PTPN12: variants seen among roughly 807,000 people sequenced by gnomAD.
PTPN12 encodes the protein tyrosine-protein phosphatase non-receptor type 12.
Under a neutral mutation model 97.6 loss-of-function variants are expected in PTPN12, and 29 were observed. That is an observed-to-expected ratio of 0.30 (90% CI 0.22 to 0.41). The LOEUF is 0.41. PTPN12 is among the 10% of genes least tolerant of loss of function. The pLI is 1.00. For synonymous variants in PTPN12, 327 were observed against 300.4 expected (o/e 1.09, Z -0.91); for missense variants, 819 against 926.0 (o/e 0.88, Z 1.50).
intron 1 of PTPN12, among the ~76,000 whole-genome samples, chr7:77,539,001 G>C (rs1006365226): frequency 1.3e-5 from 2 of 152,176 alleles, no homozygotes; most frequent in African/African-American, 4.8e-5. Flanking sequence ...ATCTGATTAT[G>C]AGAAGGATAC....
intron 1 of PTPN12, among the ~76,000 whole-genome samples, chr7:77,564,813 A>C (rs2151312119): frequency 8.6e-6 from 1 of 116,358 alleles, no homozygotes; most frequent in South Asian, 3.0e-4. Flanking sequence ...GCTGGAGTGC[A>C]GTGGCACGAT....
rs1330476301 is a variant in PTPN12, at chr7:77,564,763, T to TTTTG, written c.100-6312_100-6311insGTTT. 3.4e-4 allele frequency among the ~76,000 whole-genome samples: 37 copies of TTTTG among 108,336 alleles called. 2 individuals carry two copies. The highest frequency in any genetic ancestry group is 2.7e-3 in the Admixed American group (27 of 9,948). 71.1% of individuals were successfully genotyped at this position (108,336 alleles called of 152,430 possible). On this transcript the variant is annotated intron_variant, in intron 1 of 17. Transcript: ENST00000248594. The stretch of plus-strand genomic sequence containing the variant: ...GTTGTCGTGTTTTTTTTTTTTTTTT[T>TTTTG]TTTTTTTTTTTTTGAGACGGAATCT...
At chr7:77,556,994 G>C (rs554650882) in intron 1 of PTPN12, among the ~76,000 whole-genome samples, 2 of 151,610 alleles carry the variant, frequency 1.3e-5, no homozygotes, top group African/African-American at 4.8e-5. Flanking sequence ...TTTTTAGAGC[G>C]GTCTCGCTGT....
At chr7:77,615,613 T>A (rs1788724191) in intron 11 of PTPN12, among the ~76,000 whole-genome samples, 1 of 152,156 alleles carries the variant, frequency 6.6e-6, no homozygotes, top group African/African-American at 2.4e-5. Flanking sequence ...TACCTGGGTA[T>A]GGTAGCACGT....
At chr7:77,594,703 T>C (rs1018007388) in intron 6 of PTPN12, among the ~76,000 whole-genome samples, 2 of 152,118 alleles carry the variant, frequency 1.3e-5, no homozygotes, top group African/African-American at 2.4e-5. Flanking sequence ...GAGGTCTCCC[T>C]GTGTTGCCCA....
At position 77,635,846 on chromosome 7, in the gene PTPN12, T is replaced by G; in HGVS notation, c.2139T>G (p.Ser713=). The G allele has an allele frequency of 6.2e-7, 1 of 1,601,688 alleles. No individual in the cohort carries two copies. ...QSQERSEQKK[S]EGLITSENEK... is the part of the protein sequence containing the mutation. ...AGGAACGATCTGAACAAAAAAAGTCTGAAGTAAGTCCTTTTGGAATTGGAA... is the reference window on the plus strand; with the variant it reads ...AGGAACGATCTGAACAAAAAAAGTCGGAAGTAAGTCCTTTTGGAATTGGAA... The change falls in exon 15 of 18, where the codon TCT becomes TCG. Residue 713 remains serine (S), a synonymous_variant. Coordinates refer to ENST00000248594, the MANE Select transcript of PTPN12 (RefSeq NM_002835.4).
intron 9 of PTPN12, 35 bp from the exon 10 acceptor site, chr7:77,610,730 T>C: frequency 6.5e-7 from 1 of 1,542,506 alleles, no homozygotes; most frequent in Non-Finnish European, 8.8e-7. Flanking sequence ...TCTGAATAGA[T>C]ACACAAAGTT....
At chr7:77,605,737 A>T (rs1265672140) in intron 8 of PTPN12, among the ~76,000 whole-genome samples, 1 of 151,840 alleles carries the variant, frequency 6.6e-6, no homozygotes, top group African/African-American at 2.4e-5. Flanking sequence ...GTTTTAAAAT[A>T]AAAAAACCTA....
intron 13 of PTPN12, among the ~76,000 whole-genome samples, chr7:77,631,661 G>C (rs148477002): frequency 6.6e-6 from 1 of 152,040 alleles, no homozygotes; most frequent in Non-Finnish European, 1.5e-5. Context: ...AGCTAATTTT[G>C]TTTTTACTAG....
At chr7:77,557,785 A>G (rs1316036107) in intron 1 of PTPN12, among the ~76,000 whole-genome samples, 1 of 152,140 alleles carries the variant, frequency 6.6e-6, no homozygotes, top group Admixed American at 6.5e-5. Context: ...ACAAATGCAA[A>G]TAAGTGCTGA....
At chr7:77,602,491 G>A (rs959296093) in intron 8 of PTPN12, among the ~76,000 whole-genome samples, 2 of 151,902 alleles carry the variant, frequency 1.3e-5, no homozygotes, top group Non-Finnish European at 2.9e-5. Flanking sequence ...TGTCATGACC[G>A]GGTATAGTGG....
rs956673503 is a variant in PTPN12, at chr7:77,604,641, G to T, written c.696-2594G>T. 2.6e-5 allele frequency among the ~76,000 whole-genome samples: 4 copies of T among 152,104 alleles called. No individual in the cohort carries two copies. In the East Asian group the frequency reaches 5.8e-4, roughly 22 times the overall value. On this transcript the variant is annotated intron_variant, in intron 8 of 17. Transcript: ENST00000248594. ...ACATAAGTTTCATTTTGTCATGTCA[G>T]ATTTTTGAATGGTTTTTGTCCATTG... is the stretch of plus-strand genomic sequence containing the variant.
Position 77,597,923 on chromosome 7 carries a change from ACTAT to A in PTPN12, c.552+25_552+28del, listed in dbSNP as rs1488054241. 4 of 1,609,302 alleles carry A rather than the reference ACTAT, an allele frequency of 2.5e-6. No individual in the cohort carries two copies. The South Asian group carries it at 3.3e-5, about 13-fold the overall frequency. The stretch of plus-strand genomic sequence containing the variant: ...AAATGTAGGTACTTACCATTTATAG[ACTAT>A]CTGTAAGAATAGTTTTCAGGCTGGG... On this transcript the variant is annotated intron_variant, in intron 7 of 17. Transcript: ENST00000248594.
chr7:77,604,866 T>C, intron 8 of PTPN12: 1 of 432,618 alleles, frequency 2.3e-6, no homozygotes, highest in South Asian at 1.7e-5. Context: ...AATTTTTTGC[T>C]CTTCATTGAT....
At position 77,581,408 on chromosome 7, in the gene PTPN12, A is replaced by G. The variant is rs896371360; in HGVS notation, c.209-19A>G. ...CCTGTGTGTCAACCATACATATTTT[A>G]TGAATTTTTTTCTCGTAGTTGATCA... On this transcript the variant is annotated intron_variant, in intron 2 of 17. Coordinates refer to ENST00000248594, the MANE Select transcript of PTPN12 (RefSeq NM_002835.4). 3.2e-6 allele frequency: 5 copies of G among 1,554,024 alleles called. No individual in the cohort carries two copies. The highest frequency in any genetic ancestry group is 1.8e-6 in the Non-Finnish European group (2 of 1,129,948).
In PTPN12 at chr7:77,639,398, T is replaced by A; in HGVS notation, c.*118T>A. 2 of 791,644 alleles carry A rather than the reference T, an allele frequency of 2.5e-6. No homozygotes were observed. Among genetic ancestry groups the A allele is most frequent in the Non-Finnish European group, 4.0e-6 (2 of 505,724 alleles). The allele number at this position is 791,644 out of a possible 1,614,324, so 49.0% of individuals were successfully genotyped here. ...CTAACAGCAGTGTAGATTGTTACCT[T>A]AATATTTTTTGCTGGGACCATCTAC... On this transcript the variant is annotated 3_prime_UTR_variant, in exon 18 of 18. Transcript: ENST00000248594.
intron 8 of PTPN12, 167 bp from the exon 9 acceptor site, chr7:77,607,068 A>G: frequency 3.7e-6 from 2 of 535,240 alleles, no homozygotes; most frequent in East Asian, 3.3e-5. Context: ...TGTGTAACAG[A>G]TGTTGCCATG....
At chr7:77,538,115 T>C (rs948752911) in intron 1 of PTPN12, 1 of 988,860 alleles carries the variant, frequency 1.0e-6, no homozygotes, top group Non-Finnish European at 1.2e-6. Context: ...AGGTTGGCAC[T>C]AACTCCTGGG....
chr7:77,597,923 A>G, intron 7 of PTPN12, 22 bp downstream of exon 7: 1 of 1,609,302 alleles, frequency 6.2e-7, no homozygotes, highest in Non-Finnish European at 8.5e-7. Context: ...CCATTTATAG[A>G]CTATCTGTAA....
Sources: allele counts gnomAD v4.1 joint callset (sites outside exome capture counted in the v4.1 genomes callset), GRCh38; gene constraint gnomAD v4.1.1; transcripts MANE v1.5; gene names NCBI Gene and HGNC (gene_info 2026-07-23, HGNC 2026-07-21).